Variants in LRRK2 observed in about 807,000 individuals in gnomAD.
LRRK2 encodes the protein leucine rich repeat kinase 2.
A neutral mutation model predicts 302.6 loss-of-function variants in LRRK2; 203 were observed. The observed-to-expected ratio is 0.67, with a 90% CI of 0.60 to 0.75. The LOEUF (loss-of-function observed/expected upper bound fraction) is 0.75. Ranked by LOEUF, LRRK2 falls within the 30% of genes least tolerant of loss-of-function variation. The probability of loss-of-function intolerance (pLI) is 0.00; values close to 1 mark genes in which losing one functional copy is unlikely to be tolerated. For missense variants in LRRK2, 2,830 were observed against 2,951.0 expected (o/e 0.96, Z 0.95); for synonymous variants, 1,066 against 1,031.9 (o/e 1.03, Z -0.63).
chr12:40,260,453 C>T (rs561521170), intron 13 of LRRK2, among the ~76,000 whole-genome samples: 1 of 151,108 alleles, frequency 6.6e-6, no homozygotes, highest in Non-Finnish European at 1.5e-5. Flanking sequence ...ACATTTCAAG[C>T]AGAAGAAAGT....
At chr12:40,275,122 A>G in intron 16 of LRRK2, 129 bp downstream of exon 16, 2 of 1,026,808 alleles carry the variant, frequency 1.9e-6, no homozygotes, top group Middle Eastern at 2.7e-4. Flanking sequence ...CTTTTGTAGT[A>G]TTTTAATTAT....
rs202109091 is a variant in LRRK2, at chr12:40,340,502, C to T, written c.6109+48C>T. 4.0e-5 allele frequency: 63 copies of T among 1,588,172 alleles called. No individual in the cohort carries two copies. In the East Asian group the frequency reaches 1.2e-3, roughly 31 times the overall value. ...TAATTCTATCTTCAGGATGGATAAC[C>T]ACTGACCTCAGATGTGAGTTCAGAA... On this transcript the variant is annotated intron_variant, in intron 41 of 50. Transcript: ENST00000298910.
At chr12:40,330,906 T>C (rs1945694902) in intron 39 of LRRK2, among the ~76,000 whole-genome samples, 1 of 152,222 alleles carries the variant, frequency 6.6e-6, no homozygotes, top group Non-Finnish European at 1.5e-5. Context: ...TTATTTAGCT[T>C]TCTGGTGAAT....
intron 14 of LRRK2, among the ~76,000 whole-genome samples, chr12:40,264,597 C>T (rs1321248530): frequency 3.9e-5 from 6 of 152,182 alleles, no homozygotes; most frequent in African/African-American, 4.8e-5. Context: ...CCAGCTTGGG[C>T]GACAAGAGTG....
chr12:40,267,990 G>A (rs2136566688), intron 14 of LRRK2, among the ~76,000 whole-genome samples: 1 of 152,276 alleles, frequency 6.6e-6, no homozygotes, highest in South Asian at 2.1e-4. Flanking sequence ...TTATAAAGCA[G>A]AGACTAAGAA....
chr12:40,366,744 G>T, intron 49 of LRRK2: 1 of 399,366 alleles, frequency 2.5e-6, no homozygotes, highest in Non-Finnish European at 4.7e-6. Context: ...TATAAATACT[G>T]AGCCTATTTT....
intron 2 of LRRK2, among the ~76,000 whole-genome samples, chr12:40,227,164 A>T (rs1441700947): frequency 2.0e-5 from 3 of 152,154 alleles, no homozygotes; most frequent in Non-Finnish European, 4.4e-5. Context: ...GAGTTTTTTT[A>T]AAAGTAATTA....
At chr12:40,283,283 A>G (rs1176122872) in intron 18 of LRRK2, among the ~76,000 whole-genome samples, 4 of 152,304 alleles carry the variant, frequency 2.6e-5, no homozygotes, top group African/African-American at 7.2e-5. Context: ...CCCTGAACAC[A>G]TGCTCTGAAA....
intron 44 of LRRK2, among the ~76,000 whole-genome samples, chr12:40,353,608 G>A (rs533205850): frequency 1.3e-5 from 2 of 152,046 alleles, no homozygotes; most frequent in African/African-American, 2.4e-5. Context: ...CTGCAATCTC[G>A]GCACTTTGGG....
At chr12:40,278,563 C>G (rs1221256207) in intron 18 of LRRK2, among the ~76,000 whole-genome samples, 1 of 152,206 alleles carries the variant, frequency 6.6e-6, no homozygotes, top group Non-Finnish European at 1.5e-5. Context: ...ATACACTCCA[C>G]ATAACACATA....
chr12:40,367,199 T>C, intron 50 of LRRK2, 122 bp downstream of exon 50: 1 of 836,654 alleles, frequency 1.2e-6, no homozygotes, highest in East Asian at 2.7e-5. Flanking sequence ...TTTTAATTGG[T>C]AGTTTATAGT....
intron 38 of LRRK2, among the ~76,000 whole-genome samples, chr12:40,325,266 G>T (rs936813322): frequency 6.6e-6 from 1 of 152,128 alleles, no homozygotes; most frequent in African/African-American, 2.4e-5. Flanking sequence ...CAGCCTAGGC[G>T]ACAGAGCGTC....
At chr12:40,261,089 G>A (rs1369226990) in intron 13 of LRRK2, among the ~76,000 whole-genome samples, 1 of 152,024 alleles carries the variant, frequency 6.6e-6, no homozygotes, top group Admixed American at 6.6e-5. Context: ...TTTAAAAATT[G>A]AATCATGGTG....
intron 45 of LRRK2, among the ~76,000 whole-genome samples, chr12:40,354,797 CTCT>C (rs1159087243): frequency 6.6e-6 from 1 of 151,754 alleles, no homozygotes; most frequent in Non-Finnish European, 1.5e-5. Flanking sequence ...TTTGTAGGGC[CTCT>C]TCAAGGATAA....
intron 49 of LRRK2, 50 bp downstream of exon 49, chr12:40,365,100 A>T: frequency 6.6e-7 from 1 of 1,513,740 alleles, no homozygotes; most frequent in Non-Finnish European, 9.2e-7. Context: ...GTCTTATAAA[A>T]TATGCCTTTA....
At chr12:40,326,190 C>T (rs1173798654) in intron 38 of LRRK2, among the ~76,000 whole-genome samples, 1 of 152,128 alleles carries the variant, frequency 6.6e-6, no homozygotes, top group African/African-American at 2.4e-5. Context: ...CTCTGCCGGG[C>T]GCAGTGGCTC....
At chr12:40,287,042 G>C (rs1203353266) in intron 19 of LRRK2, among the ~76,000 whole-genome samples, 1 of 151,950 alleles carries the variant, frequency 6.6e-6, no homozygotes, top group African/African-American at 2.4e-5. Context: ...CTCACAAATG[G>C]CATTTCTATG....
At chr12:40,352,070 A>C (rs1178523002) in intron 44 of LRRK2, among the ~76,000 whole-genome samples, 1 of 152,316 alleles carries the variant, frequency 6.6e-6, no homozygotes, top group East Asian at 1.9e-4. Flanking sequence ...CTCTGCCCAC[A>C]AGGAGCTCTG....
Position 40,314,281 on chromosome 12 carries a change from G to C in LRRK2, c.4738+108G>C, listed in dbSNP as rs987228972. On this transcript the variant is annotated intron_variant, in intron 32 of 50. Coordinates refer to ENST00000298910, the MANE Select transcript of LRRK2 (RefSeq NM_198578.4). The stretch of plus-strand genomic sequence containing the variant: ...TTCAAAGTTGAGAGAATATCCATAC[G>C]GTTCTTTAATAGGCCACTGATTTTT... The C allele has an allele frequency of 1.3e-4, 153 of 1,151,878 alleles. 1 individual carries two copies. In the South Asian group the frequency reaches 1.9e-3, roughly 14 times the overall value. 71.4% of individuals were successfully genotyped at this position (1,151,878 alleles called of 1,614,324 possible). A position where few individuals can be genotyped will look rare whatever the true frequency, so the allele number is the denominator to read the frequency against.
Sources: allele counts gnomAD v4.1 joint callset (sites outside exome capture counted in the v4.1 genomes callset), GRCh38; gene constraint gnomAD v4.1.1; transcripts MANE v1.5; gene names NCBI Gene and HGNC (gene_info 2026-07-23, HGNC 2026-07-21).